The following P4HA1 variants were observed in gnomAD, a reference collection of about 807,000 sequenced individuals.
The protein encoded by P4HA1 is prolyl 4-hydroxylase subunit alpha 1.
In P4HA1, 24 loss-of-function variants were observed where a neutral mutation model predicts 72.8. The observed-to-expected ratio is 0.33, with a 90% CI of 0.24 to 0.46. P4HA1 has a LOEUF of 0.46. Ranked by LOEUF, P4HA1 falls within the 20% of genes least tolerant of loss-of-function variation. The pLI is 1.00. For synonymous variants in P4HA1, 201 were observed against 218.8 expected (o/e 0.92, Z 0.72); for missense variants, 446 against 640.6 (o/e 0.70, Z 3.28).
chr10:73,050,716 G>GT (rs1390117535), intron 7 of P4HA1, among the ~76,000 whole-genome samples: 4 of 143,812 alleles, frequency 2.8e-5, no homozygotes, highest in African/African-American at 1.1e-4. Context: ...AAAAAAAAAA[G>GT]TTTTTTAGAG....
intron 12 of P4HA1, among the ~76,000 whole-genome samples, chr10:73,012,988 GT>G (rs1839941557): frequency 6.6e-6 from 1 of 152,008 alleles, no homozygotes; most frequent in Non-Finnish European, 1.5e-5. Context: ...TGGAGAAGGG[GT>G]TTCACCACGT....
intron 5 of P4HA1, among the ~76,000 whole-genome samples, chr10:73,057,990 C>A (rs1841192554): frequency 6.9e-6 from 1 of 144,906 alleles, no homozygotes; most frequent in African/African-American, 2.6e-5. Context: ...ACTGGGGAGG[C>A]TGAGGCACGA....
intron 1 of P4HA1, among the ~76,000 whole-genome samples, chr10:73,093,905 TATACACAC>T (rs1466006149): frequency 9.3e-5 from 7 of 75,662 alleles, no homozygotes; most frequent in Admixed American, 3.2e-4. Flanking sequence ...TATATATATA[TATACACAC>T]ACACACACAC....
chr10:73,019,702 C>G (rs1421167046), intron 10 of P4HA1, among the ~76,000 whole-genome samples: 1 of 109,804 alleles, frequency 9.1e-6, no homozygotes, highest in East Asian at 3.2e-4. Context: ...TGCACTCCAG[C>G]GTGGCGACAG....
chr10:73,041,559 A>AAAAG (rs1281432793), intron 9 of P4HA1, among the ~76,000 whole-genome samples: 1 of 151,848 alleles, frequency 6.6e-6, no homozygotes, highest in East Asian at 1.9e-4. Flanking sequence ...AAAAAAAAAA[A>AAAAG]AAAAGAATTC....
At chr10:73,070,323 A>G (rs1047261591) in intron 4 of P4HA1, among the ~76,000 whole-genome samples, 10 of 151,648 alleles carry the variant, frequency 6.6e-5, no homozygotes, top group African/African-American at 2.4e-4. Flanking sequence ...GGCCCGGCTA[A>G]CTTTTATATT....
At chr10:73,079,456 G>A (rs1027674841) in intron 1 of P4HA1, among the ~76,000 whole-genome samples, 3 of 151,410 alleles carry the variant, frequency 2.0e-5, no homozygotes. Flanking sequence ...AAAAACAACA[G>A]TAAGGCCAGG....
intron 1 of P4HA1, among the ~76,000 whole-genome samples, chr10:73,094,400 G>T (rs1379500403): frequency 6.6e-6 from 1 of 152,058 alleles, no homozygotes; most frequent in Non-Finnish European, 1.5e-5. Flanking sequence ...GACTTGAGTG[G>T]GGGGGCAGGA....
rs567741903 is a variant in P4HA1, at chr10:73,093,704, G to A, written c.-33+3062C>T. Among the ~76,000 whole-genome samples the A allele has an allele frequency of 1.8e-3, 266 of 150,204 alleles. 1 individual carries two copies. Among genetic ancestry groups the A allele is most frequent in the Non-Finnish European group, 2.5e-3 (170 of 67,458 alleles). ...TAAAAATACAAAAAATTAGCTGGGC[G>A]TGATGGTGGGCGGCTGTAGTCCCAG... On this transcript the variant is annotated intron_variant, in intron 1 of 14. Transcript: ENST00000394890.
At chr10:73,016,982 CT>C in intron 10 of P4HA1, 83 bp from the exon 11 acceptor site, 2 of 954,436 alleles carry the variant, frequency 2.1e-6, no homozygotes, top group Non-Finnish European at 3.2e-6. Context: ...ATTTTTTGGA[CT>C]TTTATAGATC....
rs139961638 is a variant in P4HA1, at chr10:73,080,976, T to C, written c.-32-6061A>G. Among the ~76,000 whole-genome samples the C allele has an allele frequency of 6.7e-3, 1,020 of 152,274 alleles. 9 individuals are homozygous for C. Among genetic ancestry groups the C allele is most frequent in the African/African-American group, 0.023 (949 of 41,550 alleles). On this transcript the variant is annotated intron_variant, in intron 1 of 14. Coordinates refer to ENST00000394890, the MANE Select transcript of P4HA1 (RefSeq NM_001017962.3). ...TGGTTTCCTTATGGTGTCTCACTTCTATTTATTCTACCTTCATTCAGAAAG... is the reference window on the plus strand; with the variant it reads ...TGGTTTCCTTATGGTGTCTCACTTCCATTTATTCTACCTTCATTCAGAAAG...
intron 10 of P4HA1, among the ~76,000 whole-genome samples, chr10:73,028,307 AACACACACACACACAC>A (rs10561551): frequency 2.2e-4 from 31 of 143,760 alleles, no homozygotes; most frequent in South Asian, 4.5e-4. Context: ...GTCACTGTAA[AACACACACACACACAC>A]ACACACACAC....
At chr10:73,030,669 C>T (rs1035296883) in intron 9 of P4HA1, among the ~76,000 whole-genome samples, 1 of 152,068 alleles carries the variant, frequency 6.6e-6, no homozygotes, top group African/African-American at 2.4e-5. Flanking sequence ...ACATTGAGAA[C>T]TTCAAAAAAT....
In P4HA1 at chr10:73,008,291, T is replaced by G; in HGVS notation, c.1536A>C (p.Val512=). The G allele has an allele frequency of 6.4e-7, 1 of 1,569,024 alleles. No homozygotes were observed. The highest frequency in any genetic ancestry group is 8.8e-7 in the Non-Finnish European group (1 of 1,139,484). ...CACGTTCATGGAGCCATTTATTGGA[T>G]ACTGTGAGAGAAAAGTAATATATTA... ...ACPVLVGNKW[V]SNKWLHERGQ... is the part of the protein sequence containing the mutation. Residue 512 remains valine (V), a splice_region_variant and synonymous_variant, in exon 15 of 15, where the codon GTA becomes GTC. Transcript: ENST00000394890.
chr10:73,027,961 G>A (rs1453840754), intron 10 of P4HA1, among the ~76,000 whole-genome samples: 3 of 152,012 alleles, frequency 2.0e-5, no homozygotes, highest in Admixed American at 6.6e-5. Flanking sequence ...GAATCAGGAC[G>A]ATACCTTATT....
At chr10:73,040,568 C>T (rs982775543) in intron 9 of P4HA1, among the ~76,000 whole-genome samples, 2 of 151,326 alleles carry the variant, frequency 1.3e-5, no homozygotes, top group Non-Finnish European at 2.9e-5. Flanking sequence ...CTCTACCTCC[C>T]GGGTTCAAGC....
At chr10:73,095,410 C>T (rs61639324) in intron 1 of P4HA1, among the ~76,000 whole-genome samples, 7,691 of 151,406 alleles carry the variant, frequency 0.051, 602 homozygotes, top group African/African-American at 0.17. Context: ...TAACTTCCAA[C>T]GTTCCTGCTA....
At chr10:73,023,808 GA>G (rs1229563598) in intron 10 of P4HA1, among the ~76,000 whole-genome samples, 7,400 of 85,144 alleles carry the variant, frequency 0.087, 575 homozygotes, top group African/African-American at 0.23. Context: ...CAAATGGAAA[GA>G]AAAAAAAAAA....
chr10:73,080,809 T>A (rs1201692703), intron 1 of P4HA1, among the ~76,000 whole-genome samples: 1 of 152,120 alleles, frequency 6.6e-6, no homozygotes, highest in Non-Finnish European at 1.5e-5. Flanking sequence ...ACACCTGTAG[T>A]CCCAGCTACT....
Sources: allele counts gnomAD v4.1 joint callset (sites outside exome capture counted in the v4.1 genomes callset), GRCh38; gene constraint gnomAD v4.1.1; transcripts MANE v1.5; gene names NCBI Gene and HGNC (gene_info 2026-07-23, HGNC 2026-07-21).